TMEM132D: variants seen among roughly 807,000 people sequenced by gnomAD.
TMEM132D encodes mature OL transmembrane protein.
A neutral mutation model predicts 62.3 loss-of-function variants in TMEM132D; 21 were observed. That is an observed-to-expected ratio of 0.34 (90% CI 0.24 to 0.49). The LOEUF (loss-of-function observed/expected upper bound fraction) is 0.49. TMEM132D is among the 20% of genes least tolerant of loss of function. The pLI, the probability that TMEM132D is intolerant of heterozygous loss-of-function variation, is 0.99. For missense variants in TMEM132D, 1,346 were observed against 1,402.8 expected, an observed-to-expected ratio of 0.96 and a Z score of 0.65; for synonymous variants, 621 against 575.6, an observed-to-expected ratio of 1.08 and a Z score of -1.13.
chr12:129,079,130 GC>G (rs1164497874), intron 7 of TMEM132D, among the ~76,000 whole-genome samples: 3 of 151,954 alleles, frequency 2.0e-5, no homozygotes, highest in African/African-American at 7.3e-5. Flanking sequence ...TTTTTCAAAA[GC>G]CTTCCTATCA....
At chr12:129,087,667 A>G (rs1874662501) in intron 5 of TMEM132D, among the ~76,000 whole-genome samples, 1 of 152,164 alleles carries the variant, frequency 6.6e-6, no homozygotes, top group African/African-American at 2.4e-5. Context: ...TGGAGGGAGG[A>G]CAGGCCTACC....
intron 5 of TMEM132D, among the ~76,000 whole-genome samples, chr12:129,144,495 TCA>T (rs955755694): frequency 2.6e-5 from 4 of 152,148 alleles, no homozygotes; most frequent in African/African-American, 9.7e-5. Context: ...GGAGAAGAAC[TCA>T]GACACCCACC....
At chr12:129,742,269 G>A (rs2137260196) in intron 1 of TMEM132D, among the ~76,000 whole-genome samples, 2 of 152,322 alleles carry the variant, frequency 1.3e-5, no homozygotes, top group African/African-American at 4.8e-5. Context: ...TCTGCCAGCT[G>A]TGCAAGTATG....
chr12:129,402,673 C>T (rs28463204), intron 3 of TMEM132D, among the ~76,000 whole-genome samples: 5,833 of 152,250 alleles, frequency 0.038, 202 homozygotes, highest in African/African-American at 0.094. Flanking sequence ...TGGACTCAAG[C>T]GATCCTCCCA....
intron 1 of TMEM132D, among the ~76,000 whole-genome samples, chr12:129,793,563 G>C (rs1321402221): frequency 2.0e-5 from 3 of 152,100 alleles, no homozygotes; most frequent in African/African-American, 7.2e-5. Context: ...TTGTAGAGAT[G>C]AGGTTTTGCC....
At chr12:129,862,222 A>T (rs994055349) in intron 1 of TMEM132D, among the ~76,000 whole-genome samples, 1 of 152,256 alleles carries the variant, frequency 6.6e-6, no homozygotes, top group Non-Finnish European at 1.5e-5. Flanking sequence ...GGCCAGTTAC[A>T]GAATGGTTTT....
intron 1 of TMEM132D, among the ~76,000 whole-genome samples, chr12:129,888,063 T>C (rs979717057): frequency 6.6e-6 from 1 of 152,258 alleles, no homozygotes; most frequent in African/African-American, 2.4e-5. Flanking sequence ...TTCAATAGAA[T>C]TCTCAGTAGT....
At chr12:129,348,214 C>T (rs1213627704) in intron 3 of TMEM132D, among the ~76,000 whole-genome samples, 2 of 152,080 alleles carry the variant, frequency 1.3e-5, no homozygotes, top group African/African-American at 2.4e-5. Flanking sequence ...GGTATATACC[C>T]AAGGGATTAT....
chr12:129,131,707 C>T (rs1412403871), intron 5 of TMEM132D, among the ~76,000 whole-genome samples: 3 of 152,132 alleles, frequency 2.0e-5, no homozygotes, highest in Non-Finnish European at 4.4e-5. Flanking sequence ...ATAAAGAAAG[C>T]TATGATAATG....
intron 3 of TMEM132D, among the ~76,000 whole-genome samples, chr12:129,502,198 A>G (rs1409765387): frequency 6.6e-6 from 1 of 151,724 alleles, no homozygotes; most frequent in Non-Finnish European, 1.5e-5. Context: ...ACGGGGTTTC[A>G]CTGTGTTAGC....
chr12:129,500,422 T>A (rs1875103970), intron 3 of TMEM132D, among the ~76,000 whole-genome samples: 1 of 148,118 alleles, frequency 6.8e-6, no homozygotes, highest in Non-Finnish European at 1.5e-5. Flanking sequence ...GCCTCTAGCC[T>A]GGAGGAAACT....
intron 3 of TMEM132D, among the ~76,000 whole-genome samples, chr12:129,516,432 C>T (rs763377036): frequency 1.3e-5 from 2 of 152,170 alleles, no homozygotes; most frequent in Non-Finnish European, 2.9e-5. Context: ...TTCCACGTGG[C>T]TGGGGAGGCC....
At chr12:129,238,207 T>C (rs925529638) in intron 4 of TMEM132D, among the ~76,000 whole-genome samples, 3 of 152,284 alleles carry the variant, frequency 2.0e-5, no homozygotes, top group East Asian at 3.9e-4. Context: ...CCCAGACTTG[T>C]TGACATTTTT....
At chr12:129,323,736 ATGCTGGCTTCATTCAGGGTCACAG>A (rs1868798373) in intron 4 of TMEM132D, among the ~76,000 whole-genome samples, 1 of 152,204 alleles carries the variant, frequency 6.6e-6, no homozygotes, top group Non-Finnish European at 1.5e-5. Flanking sequence ...CTGGACAGGT[ATGCTGGCTTCATTCAGGGTCACAG>A]TGCTAGCCAT....
intron 1 of TMEM132D, among the ~76,000 whole-genome samples, chr12:129,771,088 G>A (rs911294405): frequency 2.6e-5 from 4 of 152,260 alleles, no homozygotes; most frequent in Middle Eastern, 3.4e-3. Context: ...GCCCGCACTC[G>A]GGCTCCAGCT....
chr12:129,427,073 A>G (rs1330874223), intron 3 of TMEM132D, among the ~76,000 whole-genome samples: 7 of 152,224 alleles, frequency 4.6e-5, no homozygotes, highest in Admixed American at 4.6e-4. Context: ...ACGATCCCAT[A>G]TGGGAAGCAC....
At chr12:129,257,794 A>T (rs1593313962) in intron 4 of TMEM132D, among the ~76,000 whole-genome samples, 1 of 152,160 alleles carries the variant, frequency 6.6e-6, no homozygotes, top group South Asian at 2.1e-4. Context: ...AAGGCATCCC[A>T]ATACCACGTG....
At chr12:129,848,453 T>C (rs1443893615) in intron 1 of TMEM132D, among the ~76,000 whole-genome samples, 2 of 152,160 alleles carry the variant, frequency 1.3e-5, no homozygotes, top group Non-Finnish European at 2.9e-5. Context: ...CTTGTTTGAG[T>C]AAGTTGGTCC....
chr12:129,293,860 C>G (rs991549604), intron 4 of TMEM132D, among the ~76,000 whole-genome samples: 3 of 152,138 alleles, frequency 2.0e-5, no homozygotes, highest in African/African-American at 7.2e-5. Context: ...TGCTGTGTGG[C>G]CCGGTTCCTA....
Sources: gnomAD v4.1 joint callset for allele counts (sites outside exome capture counted in the v4.1 genomes callset) on GRCh38, gnomAD v4.1.1 for gene constraint, MANE v1.5 for transcripts, NCBI Gene and HGNC (gene_info 2026-07-23, HGNC 2026-07-21) for gene names.